The following TP53BP1 variants were observed in gnomAD, a reference collection of about 807,000 sequenced individuals.
TP53BP1 encodes the protein TP53-binding protein 1.
Under a neutral mutation model 200.8 loss-of-function variants are expected in TP53BP1, and 61 were observed. That is an observed-to-expected ratio of 0.30 (90% CI 0.25 to 0.38). The LOEUF is 0.38. TP53BP1 is among the 10% of genes least tolerant of loss of function. The pLI is 1.00. For missense variants in TP53BP1, 2,144 were observed against 2,371.9 expected (o/e 0.90, Z 2.00); for synonymous variants, 822 against 844.3 (o/e 0.97, Z 0.46).
intron 10 of TP53BP1, among the ~76,000 whole-genome samples, chr15:43,472,093 T>C (rs2046739935): frequency 6.6e-6 from 1 of 152,226 alleles, no homozygotes; most frequent in African/African-American, 2.4e-5. Context: ...ATAGGAGGCA[T>C]ATACATGACA....
chr15:43,440,013 G>A (rs1362149734), intron 15 of TP53BP1, among the ~76,000 whole-genome samples: 1 of 152,160 alleles, frequency 6.6e-6, no homozygotes, highest in African/African-American at 2.4e-5. Flanking sequence ...ATAGCCCAAT[G>A]AGGAACTAAT....
chr15:43,443,299 A>AT (rs2045970795), intron 14 of TP53BP1, among the ~76,000 whole-genome samples: 1 of 152,174 alleles, frequency 6.6e-6, no homozygotes, highest in Admixed American at 6.5e-5. Flanking sequence ...TAAGTAGAAA[A>AT]TATTTTAGGT....
At chr15:43,485,559 A>G in intron 4 of TP53BP1, among the ~76,000 whole-genome samples, 1 of 69,142 alleles carries the variant, frequency 1.4e-5, no homozygotes, top group East Asian at 5.0e-4. Flanking sequence ...CCTGGGCAAC[A>G]GAGCGAGACG....
chr15:43,491,884 A>C (rs980431033), intron 3 of TP53BP1, 118 bp downstream of exon 3: 1 of 1,071,228 alleles, frequency 9.3e-7, no homozygotes, highest in Admixed American at 1.7e-5. Flanking sequence ...TACTACGCAG[A>C]TACCACAGTA....
chr15:43,410,758 C>T (rs1220335400), intron 24 of TP53BP1, among the ~76,000 whole-genome samples: 8 of 152,170 alleles, frequency 5.3e-5, no homozygotes, highest in African/African-American at 1.9e-4. Flanking sequence ...TATGACGGCT[C>T]CCCCTTCAGT....
intron 1 of TP53BP1, among the ~76,000 whole-genome samples, chr15:43,499,059 C>G (rs1022142273): frequency 6.6e-6 from 1 of 151,598 alleles, no homozygotes; most frequent in African/African-American, 2.4e-5. Flanking sequence ...CTCCTAAACT[C>G]TTATGTTTCA....
At chr15:43,493,983 A>G (rs1441156233), upstream of TP53BP1, among the ~76,000 whole-genome samples, 1 of 152,124 alleles carries the variant, frequency 6.6e-6, no homozygotes, top group Admixed American at 6.6e-5. Flanking sequence ...CAGAGATTCT[A>G]TTATCCTAAT....
chr15:43,433,882 C>T (rs1006813299), intron 16 of TP53BP1, among the ~76,000 whole-genome samples: 1 of 152,172 alleles, frequency 6.6e-6, no homozygotes. Flanking sequence ...TTGACAGAAG[C>T]TCTTATCCTT....
intron 7 of TP53BP1, 113 bp downstream of exon 7, chr15:43,479,284 G>T: frequency 8.3e-7 from 1 of 1,202,142 alleles, no homozygotes. Context: ...CCCAGTACAA[G>T]GGGAAAATAA....
intron 12 of TP53BP1, among the ~76,000 whole-genome samples, chr15:43,453,508 T>C (rs915568250): frequency 5.3e-5 from 8 of 151,640 alleles, no homozygotes; most frequent in Admixed American, 5.3e-4. Flanking sequence ...ACCCCTCACT[T>C]CCTTTTTAGC....
chr15:43,471,210 G>T lies in TP53BP1; in HGVS notation c.1181-1144C>A, dbSNP rs148709748. ...TTAAATCTAAAATATAACTGACAAG[G>T]GAAAATACACTGTTACATAAAAAAA... is the stretch of plus-strand genomic sequence containing the variant. On this transcript the variant is annotated intron_variant, in intron 10 of 27. Coordinates refer to ENST00000382044, the MANE Select transcript of TP53BP1 (RefSeq NM_001141980.3). Among the ~76,000 whole-genome samples, 74 of 151,422 alleles carry T rather than the reference G, an allele frequency of 4.9e-4. No homozygotes were observed. The East Asian group carries it at 0.014, about 28-fold the overall frequency.
chr15:43,415,778 G>A lies in TP53BP1; in HGVS notation c.4905C>T (p.Arg1635=), dbSNP rs1405254802. The change falls in exon 23 of 28, where the codon CGC becomes CGT. Residue 1635 remains arginine (R), a synonymous_variant. Coordinates refer to ENST00000382044, the MANE Select transcript of TP53BP1 (RefSeq NM_001141980.3). ...DNLVEGKRKR[R]SNVSSPATPT... ...GGGTGGCTGGGGAGCTGACGTTACT[G>A]CGCCGTTTCCGCTTCCCTTCCACCA... 6.2e-7 allele frequency: 1 copy of A among 1,614,084 alleles called. No individual in the cohort carries two copies. Among genetic ancestry groups the A allele is most frequent in the Non-Finnish European group, 8.5e-7 (1 of 1,180,002 alleles).
chr15:43,492,228 T>G, intron 2 of TP53BP1, 56 bp downstream of exon 2: 1 of 1,538,756 alleles, frequency 6.5e-7, no homozygotes, highest in Non-Finnish European at 8.8e-7. Flanking sequence ...TGTTTGCTGG[T>G]TTTCGGTTTA....
chr15:43,494,315 G>C (rs1212866319), upstream of TP53BP1, among the ~76,000 whole-genome samples: 2 of 152,188 alleles, frequency 1.3e-5, no homozygotes, highest in Non-Finnish European at 2.9e-5. Flanking sequence ...ACGTGATATA[G>C]GCAAAGCTGA....
intron 18 of TP53BP1, among the ~76,000 whole-genome samples, chr15:43,424,607 G>A (rs2045482479): frequency 6.6e-6 from 1 of 152,222 alleles, no homozygotes; most frequent in Non-Finnish European, 1.5e-5. Context: ...GTTTAGTAGT[G>A]CTTCCCAAAC....
At chr15:43,485,311 C>T (rs1467156812) in intron 4 of TP53BP1, among the ~76,000 whole-genome samples, 4 of 152,082 alleles carry the variant, frequency 2.6e-5, no homozygotes, top group African/African-American at 4.8e-5. Flanking sequence ...GGCACGGTGG[C>T]GCATGCCTGT....
At chr15:43,413,381 C>T (rs748659081) in intron 23 of TP53BP1, 47 bp from the exon 24 acceptor site, 6 of 1,539,714 alleles carry the variant, frequency 3.9e-6, no homozygotes, top group Admixed American at 3.6e-5. Context: ...ACACCATTGC[C>T]TCAGCAAAAG....
In TP53BP1 at chr15:43,447,470, A is replaced by C; in HGVS notation, c.2732T>G (p.Phe911Cys). The C allele has an allele frequency of 6.7e-7, 1 of 1,498,442 alleles. No individual in the cohort carries two copies. The highest frequency in any genetic ancestry group is 8.9e-7 in the Non-Finnish European group (1 of 1,121,424). 92.8% of individuals were successfully genotyped at this position (1,498,442 alleles called of 1,614,324 possible). A position where few individuals can be genotyped will look rare whatever the true frequency, so the allele number is the denominator to read the frequency against. ...CESSSETPFH[F>C]TLPKEGDIIP... ...GATATCACCTTCTTTAGGCAAAGTG[A>C]AATGAAATGGGGTTTCTGAAAAAAA... is the stretch of plus-strand genomic sequence containing the variant. Residue 911 changes from phenylalanine (F) to cysteine (C), a missense_variant, in exon 13 of 28, where the codon TTC (phenylalanine) becomes TGC (cysteine). Transcript: ENST00000382044.
At chr15:43,486,664 C>T (rs1233233542) in intron 4 of TP53BP1, among the ~76,000 whole-genome samples, 2 of 152,122 alleles carry the variant, frequency 1.3e-5, no homozygotes, top group Non-Finnish European at 2.9e-5. Context: ...CACTCTGCCA[C>T]CCAGGCTAGA....
Sources: allele counts gnomAD v4.1 joint callset (sites outside exome capture counted in the v4.1 genomes callset), GRCh38; gene constraint gnomAD v4.1.1; transcripts MANE v1.5; gene names NCBI Gene and HGNC (gene_info 2026-07-23, HGNC 2026-07-21).